CDH13: variants seen among roughly 807,000 people sequenced by gnomAD.
CDH13 encodes the protein cadherin 13, also known as cadherin-13.
CDH13 carries 24 observed loss-of-function variants against 63.8 expected under a neutral mutation model. The ratio of observed to expected loss-of-function variants is 0.38; its 90% confidence interval spans 0.27 to 0.53. The LOEUF (loss-of-function observed/expected upper bound fraction) is 0.53, where lower values mean the gene tolerates loss of function less well. Among genes scored for constraint, CDH13 ranks in the 20% least tolerant of loss-of-function variants. CDH13 has a pLI of 0.85. For synonymous variants in CDH13, 503 were observed against 355.3 expected, an observed-to-expected ratio of 1.42 and a Z score of -4.67; for missense variants, 1,049 against 903.1, an observed-to-expected ratio of 1.16 and a Z score of -2.07.
At chr16:83,246,822 C>T (rs780440185) in intron 5 of CDH13, among the ~76,000 whole-genome samples, 13 of 152,132 alleles carry the variant, frequency 8.5e-5, no homozygotes, top group East Asian at 5.8e-4. Flanking sequence ...GGGACATTGC[C>T]GTCTGTTTCC....
intron 7 of CDH13, among the ~76,000 whole-genome samples, chr16:83,600,172 C>T (rs528579559): frequency 1.9e-4 from 29 of 152,180 alleles, no homozygotes; most frequent in Non-Finnish European, 3.2e-4. Flanking sequence ...CAAGCACCTT[C>T]GCAGACCAGC....
intron 1 of CDH13, among the ~76,000 whole-genome samples, chr16:82,831,564 G>T (rs2038542081): frequency 6.6e-6 from 1 of 152,060 alleles, no homozygotes; most frequent in African/African-American, 2.4e-5. Flanking sequence ...AAGGGGCTGA[G>T]GTGAGGACCC....
chr16:83,265,675 A>G (rs946053927), intron 5 of CDH13, among the ~76,000 whole-genome samples: 1 of 143,464 alleles, frequency 7.0e-6, no homozygotes, highest in Non-Finnish European at 1.5e-5. Flanking sequence ...TATCATTTAC[A>G]GGTGTTTGGG....
At chr16:83,366,461 C>G (rs1487963894) in intron 6 of CDH13, among the ~76,000 whole-genome samples, 2 of 152,172 alleles carry the variant, frequency 1.3e-5, no homozygotes, top group African/African-American at 4.8e-5. Flanking sequence ...TCAGAAGTCA[C>G]ATCGCTGCTT....
Position 83,678,194 on chromosome 16 carries a change from T to C in CDH13, c.1285-14T>C, listed in dbSNP as rs757566924. 2.6e-5 allele frequency: 42 copies of C among 1,603,612 alleles called. No individual in the cohort carries two copies. The highest frequency in any genetic ancestry group is 3.6e-5 in the Non-Finnish European group (42 of 1,172,356). Reference sequence around the variant, plus strand: ...GCTGGTGTGCATCCTGAGACCCTTCTGTCTGCTTTCCAGCCATTGGACTAT... The same window carrying C: ...GCTGGTGTGCATCCTGAGACCCTTCCGTCTGCTTTCCAGCCATTGGACTAT... On this transcript the variant is annotated splice_polypyrimidine_tract_variant and intron_variant, in intron 9 of 13. Transcript: ENST00000567109.
intron 2 of CDH13, among the ~76,000 whole-genome samples, chr16:83,022,413 G>A (rs550725505): frequency 5.7e-4 from 87 of 152,360 alleles, no homozygotes; most frequent in African/African-American, 2.0e-3. Context: ...CCTTGAGACA[G>A]CTAGTATAGG....
chr16:83,262,594 C>T (rs770418279), intron 5 of CDH13, among the ~76,000 whole-genome samples: 2 of 152,080 alleles, frequency 1.3e-5, no homozygotes, highest in Non-Finnish European at 2.9e-5. Context: ...TCATTGGAGT[C>T]CCCCTCATTT....
intron 1 of CDH13, among the ~76,000 whole-genome samples, chr16:82,627,611 C>A (rs1324535514): frequency 1.3e-5 from 2 of 152,060 alleles, no homozygotes; most frequent in East Asian, 3.9e-4. Context: ...GCTGGAGAGG[C>A]CGAGCAGGCA....
intron 6 of CDH13, among the ~76,000 whole-genome samples, chr16:83,409,787 T>C (rs11867059): frequency 0.021 from 3,257 of 152,324 alleles, 52 homozygotes; most frequent in Middle Eastern, 0.044. Context: ...GTGCCATTTC[T>C]CAACAAGGCA....
chr16:83,255,160 A>C (rs1005622738), intron 5 of CDH13, among the ~76,000 whole-genome samples: 1 of 152,160 alleles, frequency 6.6e-6, no homozygotes, highest in African/African-American at 2.4e-5. Flanking sequence ...TAAATTGACT[A>C]TTGAAAAGGC....
At chr16:83,610,237 TA>T (rs879659534) in intron 8 of CDH13, among the ~76,000 whole-genome samples, 225 of 144,170 alleles carry the variant, frequency 1.6e-3, no homozygotes, top group Non-Finnish European at 2.1e-3. Context: ...ACAGCTAGAA[TA>T]AAAAAAAAAA....
chr16:82,761,646 C>A lies in CDH13; in HGVS notation c.46-96716C>A, dbSNP rs145072992. Among the ~76,000 whole-genome samples, 368 of 152,326 alleles carry A rather than the reference C, an allele frequency of 2.4e-3. 1 individual carries two copies. Among genetic ancestry groups the A allele is most frequent in the African/African-American group, 8.6e-3 (357 of 41,582 alleles). On this transcript the variant is annotated intron_variant, in intron 1 of 13. Transcript: ENST00000567109. Reference sequence around the variant, plus strand: ...TGTGATTAGATATAATTAAAAGTCACATAAAGTTCCAAAAAATATTTTTCA... The same window carrying A: ...TGTGATTAGATATAATTAAAAGTCAAATAAAGTTCCAAAAAATATTTTTCA...
chr16:83,778,333 C>G (rs370007404), intron 11 of CDH13, among the ~76,000 whole-genome samples: 263 of 152,274 alleles, frequency 1.7e-3, no homozygotes, highest in African/African-American at 6.0e-3. Flanking sequence ...CGTTTGAGAC[C>G]AGACTGACCA....
At chr16:82,869,139 TG>T in intron 2 of CDH13, among the ~76,000 whole-genome samples, 1 of 152,256 alleles carries the variant, frequency 6.6e-6, no homozygotes, top group Non-Finnish European at 1.5e-5. Flanking sequence ...CTCTGCCTCC[TG>T]GGTTCAAGCT....
At chr16:82,855,860 C>G (rs1298308269) in intron 1 of CDH13, among the ~76,000 whole-genome samples, 1 of 152,178 alleles carries the variant, frequency 6.6e-6, no homozygotes, top group Non-Finnish European at 1.5e-5. Context: ...CAGTGCATTT[C>G]AGAGGGCTGG....
chr16:83,657,107 A>G (rs572620446), intron 8 of CDH13, among the ~76,000 whole-genome samples: 1 of 152,218 alleles, frequency 6.6e-6, no homozygotes, highest in Non-Finnish European at 1.5e-5. Flanking sequence ...TCAGCCCTGC[A>G]TATGTAATGG....
Position 82,657,701 on chromosome 16 carries a change from AT to A in CDH13, c.45+30566del, listed in dbSNP as rs1230961068. On this transcript the variant is annotated intron_variant, in intron 1 of 13. Coordinates refer to ENST00000567109, the MANE Select transcript of CDH13 (RefSeq NM_001257.5). ...ATTTGGGGAGGGTAATGTAAATTGTATTGTGTTTTAAATTCCTGATTTCATT... is the reference window on the plus strand; with the variant it reads ...ATTTGGGGAGGGTAATGTAAATTGTATGTGTTTTAAATTCCTGATTTCATT... 8.5e-5 allele frequency among the ~76,000 whole-genome samples: 13 copies of A among 152,184 alleles called. 1 individual carries two copies. The highest frequency in any genetic ancestry group is 2.1e-4 in the South Asian group (1 of 4,822).
chr16:83,008,837 T>A (rs151169563), intron 2 of CDH13, among the ~76,000 whole-genome samples: 9 of 152,270 alleles, frequency 5.9e-5, no homozygotes, highest in African/African-American at 1.2e-4. Flanking sequence ...CTGAGTAATT[T>A]ATGGAAGAAA....
chr16:83,323,322 C>T (rs1202537490), intron 5 of CDH13, among the ~76,000 whole-genome samples: 2 of 147,368 alleles, frequency 1.4e-5, no homozygotes, highest in African/African-American at 5.0e-5. Flanking sequence ...TTTGCCCATG[C>T]TGGAGTATAG....
Sources: gnomAD v4.1 joint callset for allele counts (sites outside exome capture counted in the v4.1 genomes callset) on GRCh38, gnomAD v4.1.1 for gene constraint, MANE v1.5 for transcripts, NCBI Gene and HGNC (gene_info 2026-07-23, HGNC 2026-07-21) for gene names.